The following GLG1 variants were observed in gnomAD, a reference collection of about 807,000 sequenced individuals.
The protein encoded by GLG1 is Golgi apparatus protein 1.
In GLG1, 38 loss-of-function variants were observed where a neutral mutation model predicts 160.5. The ratio of observed to expected loss-of-function variants is 0.24; its 90% CI spans 0.18 to 0.31. The LOEUF (loss-of-function observed/expected upper bound fraction) is 0.31. Ranked by LOEUF, GLG1 falls within the 10% of genes least tolerant of loss-of-function variation. The pLI, the probability that GLG1 is intolerant of heterozygous loss-of-function variation, is 1.00. For synonymous variants in GLG1, 644 were observed against 543.4 expected (o/e 1.19, Z -2.57); for missense variants, 1,373 against 1,505.2 (o/e 0.91, Z 1.45).
intron 2 of GLG1, among the ~76,000 whole-genome samples, chr16:74,516,460 G>A (rs986440961): frequency 1.3e-5 from 2 of 152,054 alleles, no homozygotes; most frequent in Non-Finnish European, 2.9e-5. Flanking sequence ...TGACTACTGG[G>A]TACATAACGA....
In GLG1 at chr16:74,590,390, G is replaced by C. The variant is rs1254228473; in HGVS notation, c.438+16267C>G. Among the ~76,000 whole-genome samples, 5 of 152,014 alleles carry C rather than the reference G, an allele frequency of 3.3e-5. No individual in the cohort carries two copies. The East Asian group carries it at 9.7e-4, about 30-fold the overall frequency. ...CCCAGCACTCTGGGAGGCCGAAGCAGGCGGATCACCTGAAGTCAGGAGTTC... is the reference window on the plus strand; with the variant it reads ...CCCAGCACTCTGGGAGGCCGAAGCACGCGGATCACCTGAAGTCAGGAGTTC... On this transcript the variant is annotated intron_variant, in intron 1 of 25. Coordinates refer to ENST00000422840, the MANE Select transcript of GLG1 (RefSeq NM_001145667.2).
intron 1 of GLG1, among the ~76,000 whole-genome samples, chr16:74,572,365 G>A (rs1024769642): frequency 6.6e-6 from 1 of 152,048 alleles, no homozygotes; most frequent in Non-Finnish European, 1.5e-5. Flanking sequence ...ATAAAATTTA[G>A]CTGGGCATGG....
At chr16:74,453,419 T>A in intron 25 of GLG1, 85 bp from the exon 26 acceptor site, 1 of 782,586 alleles carries the variant, frequency 1.3e-6, no homozygotes. Flanking sequence ...TCTCAGTTCC[T>A]AGTTTAATTT....
At position 74,463,321 on chromosome 16, in the gene GLG1, T is replaced by TA. The variant is rs2014873794; in HGVS notation, c.2791+34_2791+35insT. 1.9e-6 allele frequency: 3 copies of TA among 1,609,602 alleles called. No individual in the cohort carries two copies. The South Asian group carries it at 3.3e-5, about 18-fold the overall frequency. ...AGCCACTGAATTCCTTTTCAGATAC[T>TA]CCACGGGGCCAGGAGAGCCAAGCCA... On this transcript the variant is annotated intron_variant, in intron 20 of 25. Transcript: ENST00000422840.
chr16:74,467,344 A>C (rs2015037195), intron 18 of GLG1, among the ~76,000 whole-genome samples: 2 of 151,924 alleles, frequency 1.3e-5, no homozygotes, highest in African/African-American at 2.4e-5. Flanking sequence ...CTGTCTATTA[A>C]AAAAAAGTGT....
rs1180477200 is a variant in GLG1, at chr16:74,462,155, A to G, written c.2975T>C (p.Ile992Thr). 2 of 1,609,642 alleles carry G rather than the reference A, an allele frequency of 1.2e-6. No individual in the cohort carries two copies. The highest frequency in any genetic ancestry group is 1.7e-6 in the Non-Finnish European group (2 of 1,176,122). The change falls in exon 22 of 26, where the codon ATC becomes ACC. Residue 992 changes from isoleucine (I) to threonine (T), a missense_variant. Physicochemically the swap from Ile to Thr is moderately conservative, Grantham distance 89. Around this residue, in one of 4 missense-constraint regions of GLG1, gnomAD observed 491 missense variants for 632.1 expected, o/e 0.78. Coordinates refer to ENST00000422840, the MANE Select transcript of GLG1 (RefSeq NM_001145667.2). ...GCGGTAGTCCAGGGCGGACTCCTGG[A>G]TAATGATTCGGATCTGGTCTTCACA... Reference protein sequence around the residue: ...SDCEDQIRIIIQESALDYRLD... With the variant: ...SDCEDQIRIITQESALDYRLD...
intron 5 of GLG1, among the ~76,000 whole-genome samples, chr16:74,495,198 C>G (rs1226937743): frequency 1.4e-5 from 2 of 147,150 alleles, no homozygotes; most frequent in East Asian, 4.1e-4. Context: ...GGTGCAACCT[C>G]TGCCTCCTGG....
intron 1 of GLG1, among the ~76,000 whole-genome samples, chr16:74,537,403 C>T (rs2017715426): frequency 6.6e-6 from 1 of 151,702 alleles, no homozygotes. Flanking sequence ...CAAAAAAGAA[C>T]CCTGCCACTT....
chr16:74,502,786 G>A (rs188404912), intron 4 of GLG1, among the ~76,000 whole-genome samples: 2 of 144,480 alleles, frequency 1.4e-5, no homozygotes, highest in African/African-American at 2.6e-5. Flanking sequence ...TAGCCAGGAT[G>A]GTCTTGATCT....
chr16:74,549,618 G>C (rs1308311551), intron 1 of GLG1, among the ~76,000 whole-genome samples: 2 of 152,028 alleles, frequency 1.3e-5, no homozygotes, highest in African/African-American at 4.8e-5. Flanking sequence ...ATAGTGCCTA[G>C]CACAGCTAGC....
chr16:74,579,384 C>T (rs1957886715), intron 1 of GLG1, among the ~76,000 whole-genome samples: 1 of 151,808 alleles, frequency 6.6e-6, no homozygotes, highest in South Asian at 2.1e-4. Context: ...CCAGTGCACT[C>T]CAGGCTGGGT....
chr16:74,601,344 C>T (rs1958434475), intron 1 of GLG1, among the ~76,000 whole-genome samples: 1 of 151,704 alleles, frequency 6.6e-6, no homozygotes. Flanking sequence ...ATCCGGGAGG[C>T]AGAGGAGGGT....
At chr16:74,527,245 CT>C (rs71158522) in intron 2 of GLG1, among the ~76,000 whole-genome samples, 4,190 of 83,068 alleles carry the variant, frequency 0.05, 43 homozygotes, top group African/African-American at 0.11. Flanking sequence ...TAAGTCAGTT[CT>C]TTTTTTTTTT....
rs752993017 is a variant in GLG1 at position 74,467,824 on chromosome 16, C to A, written c.2461G>T (p.Asp821Tyr). Residue 821 changes from aspartate (D) to tyrosine (Y), a missense_variant, in exon 18 of 26, where the codon GAT becomes TAT. Physicochemically the swap from Asp to Tyr is radical, Grantham distance 160. Transcript: ENST00000422840. ...EMTEDIRLEP[D>Y]LYEACKSDIK... ...TCACTCTTGCAGGCTTCGTATAGAT[C>A]TGGCTCCAAGCGGATGTCCTCCGTC... 1 of 1,613,366 alleles carries A rather than the reference C, an allele frequency of 6.2e-7. No individual in the cohort carries two copies. Among genetic ancestry groups the A allele is most frequent in the Non-Finnish European group, 8.5e-7 (1 of 1,179,442 alleles).
chr16:74,543,446 C>G (rs1294483466), intron 1 of GLG1, among the ~76,000 whole-genome samples: 1 of 152,132 alleles, frequency 6.6e-6, no homozygotes, highest in South Asian at 2.1e-4. Flanking sequence ...CTACTGCACT[C>G]CAGCCTGGAC....
intron 2 of GLG1, among the ~76,000 whole-genome samples, chr16:74,521,356 T>G (rs780489845): frequency 6.6e-6 from 1 of 152,144 alleles, no homozygotes; most frequent in Non-Finnish European, 1.5e-5. Context: ...AGCTGTAGGA[T>G]AGACTAAGCA....
At chr16:74,498,147 T>G (rs918159761) in intron 4 of GLG1, among the ~76,000 whole-genome samples, 1 of 151,776 alleles carries the variant, frequency 6.6e-6, no homozygotes, top group African/African-American at 2.4e-5. Context: ...AATATAGTGC[T>G]ATTAGCCCGG....
At chr16:74,509,621 G>A (rs1343074041) in intron 2 of GLG1, among the ~76,000 whole-genome samples, 2 of 151,824 alleles carry the variant, frequency 1.3e-5, no homozygotes, top group African/African-American at 2.4e-5. Context: ...AGGCAGAGGC[G>A]GGCGGATCAC....
chr16:74,500,825 C>G (rs1422917260), intron 4 of GLG1, among the ~76,000 whole-genome samples: 1 of 151,986 alleles, frequency 6.6e-6, no homozygotes, highest in African/African-American at 2.4e-5. Context: ...GGAAATCTGC[C>G]CTTTCATTTT....
Sources: gnomAD v4.1 joint callset for allele counts (sites outside exome capture counted in the v4.1 genomes callset) on GRCh38, gnomAD v4.1.1 for gene constraint, gnomAD v4.1.1 regional missense constraint, MANE v1.5 for transcripts, NCBI Gene and HGNC (gene_info 2026-07-23, HGNC 2026-07-21) for gene names.